EFCAB8: variants seen among roughly 807,000 people sequenced by gnomAD.
The protein encoded by EFCAB8 is EF-hand calcium binding domain 8, also known as EF-hand calcium-binding domain-containing protein 8.
A neutral mutation model predicts 116.3 loss-of-function variants in EFCAB8; 100 were observed. The ratio of observed to expected loss-of-function variants is 0.86; its 90% confidence interval spans 0.73 to 1.02. The LOEUF is 1.02. Ranked by LOEUF, EFCAB8 falls within the 50% of genes least tolerant of loss-of-function variation. EFCAB8 has a pLI of 0.00. For missense variants in EFCAB8, 1,320 were observed against 1,416.9 expected (o/e 0.93, Z 1.10); for synonymous variants, 558 against 567.9 (o/e 0.98, Z 0.25).
In EFCAB8 at chr20:32,930,548, G is replaced by A. The variant is rs763804243; in HGVS notation, c.2563G>A (p.Val855Met). ...GGACCTAGACAATGGGGATGTTGTC[G>A]TGGGTGCCATGGCCACTGATAAAAA... is the stretch of plus-strand genomic sequence containing the variant. ...PVDLDNGDVV[V>M]GAMATDKNDW... The change falls in exon 21 of 27, where the codon GTG (valine) becomes ATG (methionine). Residue 855 changes from valine to methionine, a missense_variant. Val to Met is a conservative substitution (Grantham distance 21). Coordinates refer to ENST00000400522, the MANE Select transcript of EFCAB8 (RefSeq NM_001143967.2). The A allele has an allele frequency of 1.8e-4, 282 of 1,552,208 alleles. 1 individual carries two copies. The highest frequency in any genetic ancestry group is 2.3e-4 in the Non-Finnish European group (269 of 1,147,128).
chr20:32,901,646 A>AG (rs1986433515), intron 11 of EFCAB8, among the ~76,000 whole-genome samples: 1 of 152,242 alleles, frequency 6.6e-6, no homozygotes, highest in African/African-American at 2.4e-5. Context: ...GCCTTTGCAC[A>AG]GCTCCGCTGT....
At chr20:32,944,938 A>T (rs1988537060) in intron 23 of EFCAB8, among the ~76,000 whole-genome samples, 1 of 151,598 alleles carries the variant, frequency 6.6e-6, no homozygotes, top group Non-Finnish European at 1.5e-5. Flanking sequence ...TCCTCCTTCT[A>T]GTACTACCAT....
At chr20:32,884,795 A>G (rs1222610914) in intron 5 of EFCAB8, among the ~76,000 whole-genome samples, 1 of 152,186 alleles carries the variant, frequency 6.6e-6, no homozygotes, top group Non-Finnish European at 1.5e-5. Flanking sequence ...CAGATCAAGT[A>G]GGAGAGTGTG....
At chr20:32,877,207 C>CTTT (rs757130907) in intron 4 of EFCAB8, among the ~76,000 whole-genome samples, 19 of 115,044 alleles carry the variant, frequency 1.7e-4, no homozygotes, top group East Asian at 1.1e-3. Flanking sequence ...TTATTTCTTT[C>CTTT]TTTTTTTTTT....
At chr20:32,910,749 T>TC (rs1294247954) in intron 15 of EFCAB8, among the ~76,000 whole-genome samples, 1 of 146,314 alleles carries the variant, frequency 6.8e-6, no homozygotes, top group Non-Finnish European at 1.5e-5. Context: ...TTTTTTTTTT[T>TC]TTTTTTTTTT....
intron 22 of EFCAB8, among the ~76,000 whole-genome samples, chr20:32,942,572 A>G (rs776273442): frequency 2.6e-5 from 4 of 151,960 alleles, no homozygotes; most frequent in Non-Finnish European, 5.9e-5. Context: ...ATTGTCTATC[A>G]TATGGATTAC....
At chr20:32,903,113 C>T (rs989908725) in intron 11 of EFCAB8, among the ~76,000 whole-genome samples, 25 of 152,338 alleles carry the variant, frequency 1.6e-4, no homozygotes, top group Non-Finnish European at 1.8e-4. Context: ...GAGCCTTCAA[C>T]GGCTCCTGGC....
chr20:32,942,331 C>T (rs937595426), intron 22 of EFCAB8, among the ~76,000 whole-genome samples: 1 of 152,014 alleles, frequency 6.6e-6, no homozygotes, highest in African/African-American at 2.4e-5. Context: ...ATTGTCTCTT[C>T]ATGTCCTTTG....
intron 20 of EFCAB8, among the ~76,000 whole-genome samples, chr20:32,927,782 T>C (rs1987731373): frequency 6.6e-6 from 1 of 152,262 alleles, no homozygotes; most frequent in Non-Finnish European, 1.5e-5. Context: ...ATGCTTGCCC[T>C]TTGTCTTTGG....
chr20:32,891,054 C>G (rs905032869), intron 7 of EFCAB8, among the ~76,000 whole-genome samples: 4 of 152,194 alleles, frequency 2.6e-5, no homozygotes, highest in African/African-American at 9.7e-5. Context: ...CAGTGCTGTC[C>G]CAGGCTTCCT....
At chr20:32,867,799 G>A in intron 3 of EFCAB8, 52 bp downstream of exon 3, 1 of 1,528,070 alleles carries the variant, frequency 6.5e-7, no homozygotes, top group Non-Finnish European at 8.8e-7. Flanking sequence ...AACAGGGCAG[G>A]ACCGAGTACC....
intron 20 of EFCAB8, among the ~76,000 whole-genome samples, chr20:32,929,637 AT>A (rs537061851): frequency 1.3e-5 from 2 of 151,266 alleles, no homozygotes; most frequent in Non-Finnish European, 2.9e-5. Flanking sequence ...CCACCATGAG[AT>A]TTTTGATAAT....
At chr20:32,895,454 A>G (rs1986110280) in intron 9 of EFCAB8, among the ~76,000 whole-genome samples, 3 of 150,712 alleles carry the variant, frequency 2.0e-5, no homozygotes, top group Non-Finnish European at 4.4e-5. Context: ...CCTCCCAAGT[A>G]GCTGGGACCA....
At position 32,896,152 on chromosome 20, in the gene EFCAB8, T is replaced by C. The variant is rs144222478; in HGVS notation, c.884-302T>C. Among the ~76,000 whole-genome samples the C allele has an allele frequency of 5.3e-3, 814 of 152,294 alleles. 5 individuals are homozygous for C. The highest frequency in any genetic ancestry group is 0.019 in the African/African-American group (780 of 41,562). The stretch of plus-strand genomic sequence containing the variant: ...AAAGATGGAGCTCCCTAATGAAGAA[T>C]TAGCTTGTTTAGATTGCAGCACCTA... On this transcript the variant is annotated intron_variant, in intron 9 of 26. Coordinates refer to ENST00000400522, the MANE Select transcript of EFCAB8 (RefSeq NM_001143967.2).
chr20:32,872,125 A>G (rs1356486709), intron 3 of EFCAB8, among the ~76,000 whole-genome samples: 1 of 152,172 alleles, frequency 6.6e-6, no homozygotes, highest in Non-Finnish European at 1.5e-5. Context: ...AACAAATATA[A>G]TAATAATTAC....
chr20:32,932,234 G>A (rs771822297), intron 22 of EFCAB8, among the ~76,000 whole-genome samples: 61 of 152,218 alleles, frequency 4.0e-4, no homozygotes, highest in Admixed American at 7.9e-4. Flanking sequence ...AAAATCAGCT[G>A]GGTGTGGCGG....
intron 20 of EFCAB8, among the ~76,000 whole-genome samples, chr20:32,922,577 A>G (rs1334804928): frequency 6.6e-6 from 1 of 152,228 alleles, no homozygotes; most frequent in Non-Finnish European, 1.5e-5. Flanking sequence ...AGGACAATGG[A>G]GGACAAGAAA....
At chr20:32,889,933 G>A (rs571442339) in intron 7 of EFCAB8, among the ~76,000 whole-genome samples, 87 of 151,490 alleles carry the variant, frequency 5.7e-4, no homozygotes, top group Non-Finnish European at 1.1e-3. Context: ...ACCTGGAGGT[G>A]GAGGTTGCAG....
chr20:32,958,337 C>T, intron 23 of EFCAB8, 84 bp from the exon 24 acceptor site: 1 of 412,368 alleles, frequency 2.4e-6, no homozygotes, highest in Non-Finnish European at 4.5e-6. Flanking sequence ...GCTAGCTGAC[C>T]CTTGAAGGGA....
Sources: gnomAD v4.1 joint callset for allele counts (sites outside exome capture counted in the v4.1 genomes callset) on GRCh38, gnomAD v4.1.1 for gene constraint, MANE v1.5 for transcripts, NCBI Gene and HGNC (gene_info 2026-07-23, HGNC 2026-07-21) for gene names.